SUPT3H: variants seen among roughly 807,000 people sequenced by gnomAD.
SUPT3H encodes SPT3 homolog, SAGA and STAGA complex component.
Under a neutral mutation model 44.3 loss-of-function variants are expected in SUPT3H, and 44 were observed. The ratio of observed to expected loss-of-function variants is 0.99; its 90% CI spans 0.78 to 1.28. The LOEUF (loss-of-function observed/expected upper bound fraction) is 1.28. SUPT3H is among the 50% of genes most tolerant of loss of function. The probability of loss-of-function intolerance (pLI) is 0.00; values close to 1 mark genes in which losing one functional copy is unlikely to be tolerated. For missense variants in SUPT3H, 380 were observed against 387.1 expected, an observed-to-expected ratio of 0.98 and a Z score of 0.15; for synonymous variants, 124 against 125.6, an observed-to-expected ratio of 0.99 and a Z score of 0.09.
At chr6:44,842,637 T>C (rs918061409) in intron 10 of SUPT3H, among the ~76,000 whole-genome samples, 1 of 152,092 alleles carries the variant, frequency 6.6e-6, no homozygotes, top group African/African-American at 2.4e-5. Flanking sequence ...AATGCTTACA[T>C]GATACATAAA....
At chr6:45,190,995 A>G (rs1023977592) in intron 2 of SUPT3H, among the ~76,000 whole-genome samples, 18 of 152,114 alleles carry the variant, frequency 1.2e-4, no homozygotes, top group African/African-American at 4.3e-4. Context: ...ACTTTGGAAA[A>G]TAATTTGATA....
intron 2 of SUPT3H, among the ~76,000 whole-genome samples, chr6:45,280,717 C>A (rs924719199): frequency 2.2e-4 from 33 of 152,166 alleles, no homozygotes; most frequent in Non-Finnish European, 4.7e-4. Context: ...TAAGAGGAAA[C>A]CAACTACAGA....
chr6:45,212,144 A>G (rs1356135295), intron 2 of SUPT3H, among the ~76,000 whole-genome samples: 1 of 152,172 alleles, frequency 6.6e-6, no homozygotes, highest in Admixed American at 6.6e-5. Flanking sequence ...CCAGCCACAG[A>G]GCAAGACTCT....
intron 6 of SUPT3H, among the ~76,000 whole-genome samples, chr6:44,983,744 C>G (rs1779406414): frequency 6.6e-6 from 1 of 152,080 alleles, no homozygotes; most frequent in South Asian, 2.1e-4. Context: ...AAATAACATT[C>G]AAAGAACCGT....
intron 10 of SUPT3H, among the ~76,000 whole-genome samples, chr6:44,892,305 G>A (rs1763431337): frequency 6.6e-6 from 1 of 152,008 alleles, no homozygotes; most frequent in Non-Finnish European, 1.5e-5. Flanking sequence ...AGGAAGAGAG[G>A]GAGAGAGGGA....
downstream of SUPT3H, among the ~76,000 whole-genome samples, chr6:44,826,304 C>T (rs978632743): frequency 6.6e-6 from 1 of 152,156 alleles, no homozygotes; most frequent in Non-Finnish European, 1.5e-5. Context: ...CTCTTCTCAC[C>T]CCTGCCACTG....
At chr6:45,110,302 T>C (rs1341723392) in intron 2 of SUPT3H, among the ~76,000 whole-genome samples, 1 of 152,180 alleles carries the variant, frequency 6.6e-6, no homozygotes, top group Non-Finnish European at 1.5e-5. Context: ...ATTCATGAGA[T>C]GAAGTTAAAC....
chr6:45,016,200 C>G (rs141018887), intron 4 of SUPT3H, among the ~76,000 whole-genome samples: 113 of 152,062 alleles, frequency 7.4e-4, no homozygotes, highest in South Asian at 6.9e-3. Context: ...AGTATGATAC[C>G]TACAACATCA....
At chr6:45,307,957 A>G (rs1340887206) in intron 2 of SUPT3H, among the ~76,000 whole-genome samples, 1 of 152,258 alleles carries the variant, frequency 6.6e-6, no homozygotes, top group African/African-American at 2.4e-5. Context: ...ACTACGTGAC[A>G]AATGCACAAG....
At chr6:45,096,744 T>C (rs1387851700) in intron 3 of SUPT3H, among the ~76,000 whole-genome samples, 2 of 152,160 alleles carry the variant, frequency 1.3e-5, no homozygotes, top group Non-Finnish European at 2.9e-5. Context: ...TCCTTGGTAG[T>C]TGATATTCAA....
intron 6 of SUPT3H, among the ~76,000 whole-genome samples, chr6:44,996,066 C>A (rs1438344122): frequency 6.6e-6 from 1 of 151,806 alleles, no homozygotes; most frequent in African/African-American, 2.4e-5. Flanking sequence ...TGAATGTGCA[C>A]ATGAACAAAA....
At chr6:44,942,815 T>C (rs1772678835) in intron 9 of SUPT3H, among the ~76,000 whole-genome samples, 1 of 152,154 alleles carries the variant, frequency 6.6e-6, no homozygotes, top group South Asian at 2.1e-4. Context: ...TGAAAAGACA[T>C]TCTAGTTGCT....
At position 44,899,457 on chromosome 6, in the gene SUPT3H, G is replaced by A. The variant is rs182791178; in HGVS notation, c.912+33196C>T. On this transcript the variant is annotated intron_variant, in intron 10 of 10. Transcript: ENST00000371459. Reference sequence around the variant, plus strand: ...AATCCCAGCGCTTTGGGAGGTGGAGGTGGGCAGATCACGAGGTCAGGAGTT... The same window carrying A: ...AATCCCAGCGCTTTGGGAGGTGGAGATGGGCAGATCACGAGGTCAGGAGTT... Among the ~76,000 whole-genome samples the A allele has an allele frequency of 3.9e-3, 597 of 152,254 alleles. 7 individuals carry two copies. The highest frequency in any genetic ancestry group is 0.014 in the African/African-American group (568 of 41,546).
chr6:44,988,989 T>A (rs1780225407), intron 6 of SUPT3H, among the ~76,000 whole-genome samples: 1 of 152,170 alleles, frequency 6.6e-6, no homozygotes, highest in African/African-American at 2.4e-5. Flanking sequence ...TTCTTATAGA[T>A]GTCTCATGCC....
At chr6:44,959,160 G>A (rs1252656450) in intron 7 of SUPT3H, among the ~76,000 whole-genome samples, 1 of 152,020 alleles carries the variant, frequency 6.6e-6, no homozygotes, top group African/African-American at 2.4e-5. Flanking sequence ...AAAGCACTAG[G>A]ATTACAGGCG....
chr6:45,135,062 T>A (rs1295802067), intron 2 of SUPT3H, among the ~76,000 whole-genome samples: 1 of 152,202 alleles, frequency 6.6e-6, no homozygotes, highest in African/African-American at 2.4e-5. Flanking sequence ...AGTAGTGGCA[T>A]AATCAGCACT....
At chr6:45,219,766 C>G (rs1157769403) in intron 2 of SUPT3H, among the ~76,000 whole-genome samples, 2 of 151,962 alleles carry the variant, frequency 1.3e-5, no homozygotes, top group Non-Finnish European at 2.9e-5. Flanking sequence ...AATTGCCAGG[C>G]GCAGCAGCTC....
chr6:44,911,582 TTTA>T (rs961159039), intron 10 of SUPT3H, among the ~76,000 whole-genome samples: 1 of 152,198 alleles, frequency 6.6e-6, no homozygotes, highest in African/African-American at 2.4e-5. Flanking sequence ...AGCTGCAATT[TTTA>T]TTATAATTTT....
At chr6:45,155,035 T>A (rs1285180740) in intron 2 of SUPT3H, among the ~76,000 whole-genome samples, 2 of 152,082 alleles carry the variant, frequency 1.3e-5, no homozygotes, top group Non-Finnish European at 2.9e-5. Context: ...AAAGTTAGGT[T>A]TGAAAAAAAT....
Sources: gnomAD v4.1 joint callset for allele counts (sites outside exome capture counted in the v4.1 genomes callset) on GRCh38, gnomAD v4.1.1 for gene constraint, MANE v1.5 for transcripts, NCBI Gene and HGNC (gene_info 2026-07-23, HGNC 2026-07-21) for gene names.